NCALD: variants seen among roughly 807,000 people sequenced by gnomAD.
NCALD encodes neurocalcin-delta.
NCALD carries 10 observed loss-of-function variants against 18.6 expected under a neutral mutation model. The observed-to-expected ratio is 0.54, with a 90% CI of 0.33 to 0.91. The LOEUF is 0.91. Ranked by LOEUF, NCALD falls within the 40% of genes least tolerant of loss-of-function variation. NCALD has a pLI of 0.03. For missense variants in NCALD, 184 were observed against 247.6 expected, an observed-to-expected ratio of 0.74 and a Z score of 1.72; for synonymous variants, 88 against 87.4, an observed-to-expected ratio of 1.01 and a Z score of -0.04.
chr8:102,097,991 A>G (rs1339744203), intron 1 of NCALD, among the ~76,000 whole-genome samples: 1 of 152,248 alleles, frequency 6.6e-6, no homozygotes, highest in African/African-American at 2.4e-5. Flanking sequence ...TGTGCAAGGC[A>G]CTTCCTGCAC....
chr8:101,909,885 T>G (rs1377642018), intron 3 of NCALD, among the ~76,000 whole-genome samples: 2 of 152,158 alleles, frequency 1.3e-5, no homozygotes, highest in Admixed American at 1.3e-4. Context: ...GGTAGACCCA[T>G]AGCAAGCAAC....
intron 2 of NCALD, among the ~76,000 whole-genome samples, chr8:101,698,599 A>G (rs1341810598): frequency 1.3e-5 from 2 of 152,228 alleles, no homozygotes; most frequent in Non-Finnish European, 2.9e-5. Context: ...GACAAATGGA[A>G]GAGAACAGAG....
chr8:101,967,840 GACACACAC>G (rs34321706), intron 2 of NCALD, among the ~76,000 whole-genome samples: 18 of 147,794 alleles, frequency 1.2e-4, no homozygotes, highest in Non-Finnish European at 2.3e-4. Flanking sequence ...TCTTAAAATT[GACACACAC>G]ACACACACAC....
intron 4 of NCALD, among the ~76,000 whole-genome samples, chr8:101,803,418 T>C (rs1271909015): frequency 1.3e-5 from 2 of 152,230 alleles, no homozygotes; most frequent in Non-Finnish European, 2.9e-5. Flanking sequence ...TACAAGGAGA[T>C]TAATGTTGTT....
At chr8:101,782,448 AT>A (rs1324447313) in intron 1 of NCALD, among the ~76,000 whole-genome samples, 1 of 152,168 alleles carries the variant, frequency 6.6e-6, no homozygotes, top group Non-Finnish European at 1.5e-5. Context: ...TCACTAAAAT[AT>A]TCTCACCCCA....
intron 1 of NCALD, among the ~76,000 whole-genome samples, chr8:102,116,422 G>A (rs1825788980): frequency 6.6e-6 from 1 of 152,124 alleles, no homozygotes; most frequent in Non-Finnish European, 1.5e-5. Context: ...ATTGAATGGT[G>A]GTGACCCCCA....
chr8:102,024,911 C>T (rs375023939), intron 1 of NCALD, among the ~76,000 whole-genome samples: 1 of 152,194 alleles, frequency 6.6e-6, no homozygotes, highest in Non-Finnish European at 1.5e-5. Flanking sequence ...ATATTCCAGC[C>T]TTGTCAAGTT....
At chr8:101,732,334 G>A (rs1221566109) in intron 1 of NCALD, among the ~76,000 whole-genome samples, 3 of 152,126 alleles carry the variant, frequency 2.0e-5, no homozygotes, top group Middle Eastern at 3.2e-3. Context: ...AGCAGAGGAG[G>A]TATAGGAGGA....
intron 1 of NCALD, among the ~76,000 whole-genome samples, chr8:102,036,147 T>TA (rs1264046653): frequency 3.4e-5 from 5 of 145,540 alleles, no homozygotes; most frequent in African/African-American, 1.1e-4. Context: ...ATAAATAAAT[T>TA]AATTAATTAA....
At chr8:102,008,611 A>T (rs1237763999) in intron 2 of NCALD, among the ~76,000 whole-genome samples, 1 of 152,138 alleles carries the variant, frequency 6.6e-6, no homozygotes, top group Non-Finnish European at 1.5e-5. Flanking sequence ...CATCAAGGAA[A>T]AGAAGTTGAG....
At chr8:101,893,088 A>G (rs1320117624) in intron 3 of NCALD, among the ~76,000 whole-genome samples, 2 of 151,344 alleles carry the variant, frequency 1.3e-5, no homozygotes, top group Non-Finnish European at 2.9e-5. Flanking sequence ...GAAATGAAGG[A>G]AAAAATGTTA....
At chr8:101,958,811 T>C (rs1339085037) in intron 2 of NCALD, among the ~76,000 whole-genome samples, 1 of 152,170 alleles carries the variant, frequency 6.6e-6, no homozygotes, top group Non-Finnish European at 1.5e-5. Context: ...ATATGAATGA[T>C]GCCAATTCCT....
At chr8:101,745,971 A>G (rs1810410279) in intron 1 of NCALD, 1 of 152,238 alleles carries the variant, frequency 6.6e-6, no homozygotes, top group African/African-American at 2.4e-5. Flanking sequence ...ACGCACCACC[A>G]TATCTCATTT....
At chr8:101,894,761 A>T (rs1306694363) in intron 3 of NCALD, among the ~76,000 whole-genome samples, 1 of 151,468 alleles carries the variant, frequency 6.6e-6, no homozygotes, top group East Asian at 1.9e-4. Flanking sequence ...TAGAAAATCT[A>T]GAAGAAATGG....
intron 1 of NCALD, among the ~76,000 whole-genome samples, chr8:102,065,004 C>T (rs1275923047): frequency 7.4e-5 from 5 of 67,746 alleles, no homozygotes; most frequent in Non-Finnish European, 1.0e-4. Flanking sequence ...ATTCTTCTCA[C>T]TTTGGCAAAA....
chr8:101,934,255 G>C lies in NCALD; in HGVS notation c.-156-18397C>G, dbSNP rs1247746263. ...AACCAGTGTACTCAAGGGGCAAACAGAGGAGACAGTCCAACCTAAGGACTG... is the reference window on the plus strand; with the variant it reads ...AACCAGTGTACTCAAGGGGCAAACACAGGAGACAGTCCAACCTAAGGACTG... On this transcript the variant is annotated intron_variant, in intron 2 of 6. Coordinates refer to the NCALD transcript ENST00000311028. Among the ~76,000 whole-genome samples the C allele has an allele frequency of 6.6e-5, 10 of 152,304 alleles. No homozygotes were observed. The South Asian group carries it at 2.1e-3, about 32-fold the overall frequency.
intron 3 of NCALD, among the ~76,000 whole-genome samples, chr8:101,912,508 C>T (rs964479415): frequency 7.9e-5 from 12 of 152,246 alleles, no homozygotes; most frequent in Non-Finnish European, 1.5e-4. Context: ...TCCTAATTCT[C>T]ACTTGATAAC....
intron 1 of NCALD, among the ~76,000 whole-genome samples, chr8:101,770,110 C>A (rs369490979): frequency 6.6e-6 from 1 of 152,148 alleles, no homozygotes; most frequent in African/African-American, 2.4e-5. Flanking sequence ...AACATCAGAT[C>A]CCAGAAATGC....
chr8:101,851,294 G>A (rs1349408107), intron 4 of NCALD, among the ~76,000 whole-genome samples: 2 of 151,968 alleles, frequency 1.3e-5, no homozygotes, highest in African/African-American at 2.4e-5. Context: ...CTCAACTGAA[G>A]TTGCAAGCAT....
Sources: allele counts gnomAD v4.1 joint callset (sites outside exome capture counted in the v4.1 genomes callset), GRCh38; gene constraint gnomAD v4.1.1; transcripts MANE v1.5; gene names NCBI Gene and HGNC (gene_info 2026-07-23, HGNC 2026-07-21).